Variants in DNAH14 observed in about 807,000 individuals in gnomAD.
The protein encoded by DNAH14 is dynein axonemal heavy chain 14.
Under a neutral mutation model 520.9 loss-of-function variants are expected in DNAH14, and 478 were observed. The ratio of observed to expected loss-of-function variants is 0.92; its 90% CI spans 0.85 to 0.99. The LOEUF (loss-of-function observed/expected upper bound fraction) is 0.99. Among genes scored for constraint, DNAH14 ranks in the 50% least tolerant of loss-of-function variants. The pLI is 0.00. For synonymous variants in DNAH14, 1,581 were observed against 1,757.2 expected, an observed-to-expected ratio of 0.90 and a Z score of 2.51; for missense variants, 4,831 against 5,234.5, an observed-to-expected ratio of 0.92 and a Z score of 2.38.
intron 19 of DNAH14, 80 bp downstream of exon 19, chr1:225,080,828 C>T (rs1304469067): frequency 7.2e-7 from 1 of 1,396,188 alleles, no homozygotes; most frequent in Non-Finnish European, 9.5e-7. Flanking sequence ...TTGTCCTTGG[C>T]TTGTTTCTTT....
At chr1:225,128,501 G>A (rs1003546608) in intron 27 of DNAH14, among the ~76,000 whole-genome samples, 9 of 152,038 alleles carry the variant, frequency 5.9e-5, no homozygotes, top group African/African-American at 2.2e-4. Context: ...GGGATGCAAG[G>A]CTGGTTCAAT....
chr1:225,307,003 C>T (rs2094258990), intron 58 of DNAH14, among the ~76,000 whole-genome samples: 1 of 151,986 alleles, frequency 6.6e-6, no homozygotes, highest in Non-Finnish European at 1.5e-5. Context: ...CTCTTTCCCA[C>T]CCCGAAACTT....
rs999022542 is a variant in DNAH14, at chr1:225,360,864, T to G, written c.11960T>G (p.Met3987Arg). The change falls in exon 75 of 86, where the codon ATG becomes AGG. Residue 3987 changes from methionine (M) to arginine (R), a missense_variant. Met to Arg is a moderately conservative substitution (Grantham distance 91, BLOSUM62 -1). Coordinates refer to ENST00000682510, the MANE Select transcript of DNAH14 (RefSeq NM_001367479.1). ...LQNCHLATSF[M>R]PRLCTIVESF... is the part of the protein sequence containing the mutation. ...AACTGCCATCTTGCAACATCATTTA[T>G]GCCAAGGCTTTGCACAATTGTAGAA... 1 of 1,551,612 alleles carries G rather than the reference T, an allele frequency of 6.4e-7. No homozygotes were observed. The highest frequency in any genetic ancestry group is 2.4e-5 in the East Asian group (1 of 40,928).
At chr1:224,973,323 A>G (rs1242478823) in intron 7 of DNAH14, among the ~76,000 whole-genome samples, 1 of 142,010 alleles carries the variant, frequency 7.0e-6, no homozygotes. Flanking sequence ...TTTTCCCACT[A>G]GCTCTCACTA....
intron 66 of DNAH14, among the ~76,000 whole-genome samples, chr1:225,335,108 T>TAC (rs991627468): frequency 6.7e-6 from 1 of 148,332 alleles, no homozygotes. Flanking sequence ...TATGTATATA[T>TAC]ACATATATAC....
At chr1:225,239,966 T>C (rs2091870552) in intron 42 of DNAH14, among the ~76,000 whole-genome samples, 1 of 152,178 alleles carries the variant, frequency 6.6e-6, no homozygotes, top group Admixed American at 6.5e-5. Context: ...ACCATCACCA[T>C]AGAATTTCAT....
At chr1:225,158,146 CT>C (rs913301737) in intron 34 of DNAH14, among the ~76,000 whole-genome samples, 17 of 151,810 alleles carry the variant, frequency 1.1e-4, no homozygotes, top group South Asian at 6.3e-4. Context: ...TGTGTAGTTA[CT>C]TTTTTTTCTT....
chr1:225,026,874 CT>C (rs1190191566), intron 11 of DNAH14, among the ~76,000 whole-genome samples: 1 of 152,060 alleles, frequency 6.6e-6, no homozygotes, highest in Admixed American at 6.6e-5. Flanking sequence ...ATAGTATAGT[CT>C]TCCAGTCCAT....
intron 44 of DNAH14, among the ~76,000 whole-genome samples, chr1:225,255,808 A>G (rs2092711314): frequency 6.6e-6 from 1 of 152,184 alleles, no homozygotes; most frequent in Non-Finnish European, 1.5e-5. Flanking sequence ...CATGCTTACC[A>G]TTTATAAAGA....
chr1:225,155,376 TA>T (rs1240763233), intron 34 of DNAH14, among the ~76,000 whole-genome samples: 3 of 152,264 alleles, frequency 2.0e-5, no homozygotes, highest in Admixed American at 6.5e-5. Context: ...GAGCAAAGGA[TA>T]GGGGATAAAG....
At chr1:225,166,532 A>G (rs2082061921) in intron 35 of DNAH14, among the ~76,000 whole-genome samples, 1 of 152,192 alleles carries the variant, frequency 6.6e-6, no homozygotes, top group Non-Finnish European at 1.5e-5. Context: ...TTAATGTTGC[A>G]TTTTTGATGG....
At chr1:225,288,306 T>G (rs1255169527) in intron 54 of DNAH14, among the ~76,000 whole-genome samples, 4 of 152,104 alleles carry the variant, frequency 2.6e-5, no homozygotes, top group Non-Finnish European at 5.9e-5. Flanking sequence ...TCAGAACCCC[T>G]TGAAACTCTT....
chr1:225,337,644 G>A (rs2095085289), intron 67 of DNAH14, 148 bp downstream of exon 67: 4 of 657,206 alleles, frequency 6.1e-6, no homozygotes, highest in Admixed American at 2.9e-5. Context: ...CAGACAGAGA[G>A]TGAGTTTTCA....
In DNAH14 at chr1:225,367,814, G is replaced by A. The variant is rs2095572338; in HGVS notation, c.12100G>A (p.Glu4034Lys). ...CACATCTGTTTTCAAGATTGCCGTG[G>A]AATCTCCCCAGGGATTGAAAAGTAA... ...VLKKGLKIAV[E>K]SPQGLKSNLL... The change falls in exon 77 of 86, where the codon GAA becomes AAA. Residue 4034 changes from glutamate (E) to lysine (K), a missense_variant. Coordinates refer to ENST00000682510, the MANE Select transcript of DNAH14 (RefSeq NM_001367479.1). The A allele has an allele frequency of 1.9e-6, 3 of 1,550,902 alleles. No individual in the cohort carries two copies. Among genetic ancestry groups the A allele is most frequent in the Non-Finnish European group, 2.6e-6 (3 of 1,146,422 alleles).
At position 225,056,306 on chromosome 1, in the gene DNAH14, A is replaced by ATG. The variant is rs1260243729; in HGVS notation, c.2424+4513_2424+4514dup. ...GGCCAGTGATGATGAGCATTTTTTC[A>ATG]TGTCTTTTGGCTGCATAAATGTCTT... On this transcript the variant is annotated intron_variant, in intron 17 of 85. Transcript: ENST00000682510. Among the ~76,000 whole-genome samples, 13 of 152,182 alleles carry ATG rather than the reference A, an allele frequency of 8.5e-5. No individual in the cohort carries two copies. In the East Asian group the frequency reaches 9.7e-4, roughly 11 times the overall value.
intron 55 of DNAH14, among the ~76,000 whole-genome samples, chr1:225,294,201 G>GT (rs933098670): frequency 9.9e-5 from 15 of 151,746 alleles, no homozygotes; most frequent in Admixed American, 2.6e-4. Context: ...GATGATTGTG[G>GT]TTTTTTTTCT....
At chr1:225,088,308 T>G (rs1558917574) in intron 21 of DNAH14, among the ~76,000 whole-genome samples, 1 of 152,078 alleles carries the variant, frequency 6.6e-6, no homozygotes, top group East Asian at 1.9e-4. Flanking sequence ...GTTAAAAAGT[T>G]AAGTAGAGAG....
rs977093053 is a variant in DNAH14 at position 224,951,663 on chromosome 1, T to G, written c.-33-1007T>G. On this transcript the variant is annotated intron_variant, in intron 1 of 85. Transcript: ENST00000682510. ...TTCTGGATTTTTTTTTTTTTTTTTT[T>G]TTTTTGAGACGGAGTCTCGCTCTGT... Among the ~76,000 whole-genome samples, 21 of 146,094 alleles carry G rather than the reference T, an allele frequency of 1.4e-4. No homozygotes were observed. In the East Asian group the frequency reaches 4.3e-3, roughly 30 times the overall value.
At chr1:225,077,497 ATT>A (rs34234394) in intron 17 of DNAH14, among the ~76,000 whole-genome samples, 2 of 151,642 alleles carry the variant, frequency 1.3e-5, no homozygotes, top group East Asian at 1.9e-4. Context: ...GTATTTCAAA[ATT>A]TTTTGGGCAT....
Sources: allele counts gnomAD v4.1 joint callset (sites outside exome capture counted in the v4.1 genomes callset), GRCh38; gene constraint gnomAD v4.1.1; transcripts MANE v1.5; gene names NCBI Gene and HGNC (gene_info 2026-07-23, HGNC 2026-07-21).